DENND6A: variants seen among roughly 807,000 people sequenced by gnomAD.
The protein encoded by DENND6A is DENN domain containing 6A.
DENND6A carries 43 observed loss-of-function variants against 95.5 expected under a neutral mutation model. The ratio of observed to expected loss-of-function variants is 0.45; its 90% CI spans 0.35 to 0.58. The LOEUF is 0.58. Ranked by LOEUF, DENND6A falls within the 20% of genes least tolerant of loss-of-function variation. The probability of loss-of-function intolerance (pLI) is 0.00; values close to 1 mark genes in which losing one functional copy is unlikely to be tolerated. For missense variants in DENND6A, 574 were observed against 736.0 expected, an observed-to-expected ratio of 0.78 and a Z score of 2.55; for synonymous variants, 257 against 260.4, an observed-to-expected ratio of 0.99 and a Z score of 0.13.
chr3:57,692,995 G>A lies in DENND6A; in HGVS notation c.24C>T (p.Gly8=). 1 of 1,504,424 alleles carries A rather than the reference G, an allele frequency of 6.6e-7. No individual in the cohort carries two copies. The highest frequency in any genetic ancestry group is 8.8e-7 in the Non-Finnish European group (1 of 1,137,544). The allele number at this position is 1,504,424 out of a possible 1,614,324, so 93.2% of individuals were successfully genotyped here. Residue 8 remains glycine, a synonymous_variant, in exon 1 of 20, where the codon GGC becomes GGT. Coordinates refer to ENST00000311128, the MANE Select transcript of DENND6A (RefSeq NM_152678.3). MALRGPA[G]LGPGSRRPLD... is the part of the protein sequence containing the mutation. ...ACGGCCTTCGAGAGCCGGGCCCCAA[G>A]CCCGCAGGGCCCCTCAAAGCCATCG...
chr3:57,690,271 T>C (rs62258994), intron 1 of DENND6A, among the ~76,000 whole-genome samples: 267 of 152,164 alleles, frequency 1.8e-3, no homozygotes, highest in Middle Eastern at 3.4e-3. Flanking sequence ...TTTGGGAGGC[T>C]GAGGTGGGCA....
chr3:57,633,268 T>A lies in DENND6A; in HGVS notation c.1350A>T (p.Pro450=). The A allele has an allele frequency of 6.2e-7, 1 of 1,611,280 alleles. No individual in the cohort carries two copies. The stretch of plus-strand genomic sequence containing the variant: ...AAAAATTTATTTATTAACTTACTAA[T>A]GGAATGATGAAACTTTGTGTCAGTT... ...FLELTQSFII[P]LERYVASLMP... is the part of the protein sequence containing the mutation. Residue 450 remains proline (P), a synonymous_variant, in exon 15 of 20, where the codon CCA becomes CCT. Transcript: ENST00000311128.
chr3:57,653,190 A>G (rs2071246008), intron 9 of DENND6A, among the ~76,000 whole-genome samples: 1 of 152,222 alleles, frequency 6.6e-6, no homozygotes, highest in African/African-American at 2.4e-5. Context: ...AGGAAAAATG[A>G]AAAAGGCCTA....
chr3:57,657,781 A>G lies in DENND6A; in HGVS notation c.763-46T>C, dbSNP rs144257945. ...ATAAAAGAAGGTATCACCAAAATTT[A>G]TGGAAAATTTTAAAATATATCTATC... On this transcript the variant is annotated intron_variant, in intron 8 of 19. Coordinates refer to ENST00000311128, the MANE Select transcript of DENND6A (RefSeq NM_152678.3). The G allele has an allele frequency of 6.7e-4, 883 of 1,311,872 alleles. 3 individuals carry two copies. In the African/African-American group the frequency reaches 0.011, roughly 17 times the overall value. The allele number at this position is 1,311,872 out of a possible 1,614,324, so 81.3% of individuals were successfully genotyped here. A position where few individuals can be genotyped will look rare whatever the true frequency, so the allele number is the denominator to read the frequency against.
intron 15 of DENND6A, among the ~76,000 whole-genome samples, chr3:57,631,679 C>G (rs2070677906): frequency 1.3e-5 from 2 of 148,854 alleles, no homozygotes; most frequent in South Asian, 4.2e-4. Context: ...ACAATTTAGA[C>G]TTGAAATGAG....
intron 12 of DENND6A, among the ~76,000 whole-genome samples, chr3:57,640,823 C>A (rs745834532): frequency 9.2e-5 from 14 of 152,048 alleles, no homozygotes; most frequent in Admixed American, 2.6e-4. Context: ...TCTTCTCATA[C>A]GCAAGACTCA....
chr3:57,674,506 C>T (rs1429184892), intron 1 of DENND6A, among the ~76,000 whole-genome samples: 1 of 152,068 alleles, frequency 6.6e-6, no homozygotes, highest in Non-Finnish European at 1.5e-5. Flanking sequence ...TGGTACATGC[C>T]TGTAATCCCA....
rs548400247 is a variant in DENND6A, at chr3:57,628,095, A to T, written c.*119T>A. 4 of 1,422,940 alleles carry T rather than the reference A, an allele frequency of 2.8e-6. No homozygotes were observed. Among genetic ancestry groups the T allele is most frequent in the Non-Finnish European group, 3.8e-6 (4 of 1,054,470 alleles). 88.1% of individuals were successfully genotyped at this position (1,422,940 alleles called of 1,614,324 possible). A position where few individuals can be genotyped will look rare whatever the true frequency, so the allele number is the denominator to read the frequency against. ...AATACAGTCTTTCTACCCTGTAACT[A>T]GCATTCATGGCAATTTTCCACTCCG... On this transcript the variant is annotated 3_prime_UTR_variant, in exon 20 of 20. Transcript: ENST00000311128.
chr3:57,628,039 A>C lies in DENND6A; in HGVS notation c.*175T>G, dbSNP rs2153411531. The C allele has an allele frequency of 2.5e-6, 2 of 798,340 alleles. No individual in the cohort carries two copies. Among genetic ancestry groups the C allele is most frequent in the African/African-American group, 3.5e-5 (2 of 57,594 alleles). The allele number at this position is 798,340 out of a possible 1,614,324, so 49.5% of individuals were successfully genotyped here. A position where few individuals can be genotyped will look rare whatever the true frequency, so the allele number is the denominator to read the frequency against. ...GAACCACCACAGATATCCACTTTAAAAAGTAATGCACTAAAAAGGTCTGTT... is the reference window on the plus strand; with the variant it reads ...GAACCACCACAGATATCCACTTTAACAAGTAATGCACTAAAAAGGTCTGTT... On this transcript the variant is annotated 3_prime_UTR_variant, in exon 20 of 20. Coordinates refer to ENST00000311128, the MANE Select transcript of DENND6A (RefSeq NM_152678.3).
At chr3:57,679,692 T>C (rs947053942) in intron 1 of DENND6A, 32 of 405,266 alleles carry the variant, frequency 7.9e-5, no homozygotes, top group Non-Finnish European at 1.0e-4. Flanking sequence ...CAATGGTCCA[T>C]TGTTGCTCAC....
At chr3:57,643,565 C>T (rs879294052) in intron 11 of DENND6A, among the ~76,000 whole-genome samples, 3 of 151,904 alleles carry the variant, frequency 2.0e-5, no homozygotes, top group Non-Finnish European at 2.9e-5. Flanking sequence ...CGGTGGCTCA[C>T]GTCTGTAATC....
intron 11 of DENND6A, among the ~76,000 whole-genome samples, chr3:57,644,339 C>G (rs1259673644): frequency 1.3e-5 from 2 of 151,972 alleles, no homozygotes; most frequent in Non-Finnish European, 2.9e-5. Context: ...GGGTCTCACT[C>G]TGTTCCCCAG....
At chr3:57,676,150 G>A (rs897022370) in intron 1 of DENND6A, among the ~76,000 whole-genome samples, 1 of 151,918 alleles carries the variant, frequency 6.6e-6, no homozygotes. Context: ...GGCCGGGGTG[G>A]GCAGGTCACT....
rs945904026 is a variant in DENND6A, at chr3:57,654,590, T to C, written c.818+3090A>G. The C allele has an allele frequency of 2.2e-5, 21 of 969,118 alleles. 1 individual carries two copies. The Admixed American group carries it at 1.2e-3, about 57-fold the overall frequency. The allele number at this position is 969,118 out of a possible 1,614,324, so 60.0% of individuals were successfully genotyped here. ...TATCATCAAGTAAAATGTCCCTGAC[T>C]CTAAGGCAAGAAAATGTCTATTTCT... On this transcript the variant is annotated intron_variant, in intron 9 of 19. Coordinates refer to ENST00000311128, the MANE Select transcript of DENND6A (RefSeq NM_152678.3).
intron 12 of DENND6A, among the ~76,000 whole-genome samples, chr3:57,637,813 A>T (rs1355932278): frequency 6.9e-6 from 1 of 144,896 alleles, no homozygotes; most frequent in African/African-American, 2.5e-5. Context: ...AACAAAAAAA[A>T]TAAATAAATA....
intron 3 of DENND6A, among the ~76,000 whole-genome samples, chr3:57,671,438 G>C (rs2071615582): frequency 1.3e-5 from 2 of 152,026 alleles, no homozygotes; most frequent in African/African-American, 4.8e-5. Context: ...GCTGAGGTGA[G>C]AGAATGGTGT....
At chr3:57,688,968 T>C (rs1006778790) in intron 1 of DENND6A, among the ~76,000 whole-genome samples, 1 of 152,164 alleles carries the variant, frequency 6.6e-6, no homozygotes, top group Non-Finnish European at 1.5e-5. Flanking sequence ...TTATAATTTT[T>C]CTTTTTTTTT....
Position 57,692,906 on chromosome 3 carries a change from G to A in DENND6A, c.113C>T (p.Ala38Val). The A allele has an allele frequency of 6.4e-7, 1 of 1,556,830 alleles. No individual in the cohort carries two copies. Residue 38 changes from alanine (A) to valine (V), a missense_variant, in exon 1 of 20, where the codon GCG (alanine) becomes GTG (valine). Ala to Val is a moderately conservative substitution (Grantham distance 64). Transcript: ENST00000311128. ...ATCGTCCTCTTCATCGTCCTCTGGC[G>A]CGCCTCCCGCCGCCACAAGGGCCGG... Reference protein sequence around the residue: ...EAPALVAAGGAPEDDEEDDGR... With the variant: ...EAPALVAAGGVPEDDEEDDGR...
chr3:57,636,436 G>C (rs766134514), intron 12 of DENND6A, among the ~76,000 whole-genome samples: 1 of 152,028 alleles, frequency 6.6e-6, no homozygotes, highest in African/African-American at 2.4e-5. Flanking sequence ...GGCAATACAG[G>C]AACAAAACAG....
Sources: allele counts gnomAD v4.1 joint callset (sites outside exome capture counted in the v4.1 genomes callset), GRCh38; gene constraint gnomAD v4.1.1; transcripts MANE v1.5; gene names NCBI Gene and HGNC (gene_info 2026-07-23, HGNC 2026-07-21).